Variants in OSBPL1A observed in about 807,000 individuals in gnomAD.
OSBPL1A encodes the protein oxysterol binding protein like 1A.
Under a neutral mutation model 137.1 loss-of-function variants are expected in OSBPL1A, and 80 were observed. The observed-to-expected ratio is 0.58, with a 90% CI of 0.49 to 0.70. The LOEUF (loss-of-function observed/expected upper bound fraction) is 0.70. OSBPL1A is among the 30% of genes least tolerant of loss of function. The probability of loss-of-function intolerance (pLI) is 0.00; values close to 1 mark genes in which losing one functional copy is unlikely to be tolerated. For missense variants in OSBPL1A, 970 were observed against 1,129.4 expected (o/e 0.86, Z 2.02); for synonymous variants, 365 against 389.7 (o/e 0.94, Z 0.75).
chr18:24,328,692 C>A (rs978000449), intron 7 of OSBPL1A, among the ~76,000 whole-genome samples: 5 of 152,098 alleles, frequency 3.3e-5, no homozygotes, highest in Admixed American at 3.3e-4. Flanking sequence ...ATGTGTAGAG[C>A]TGCACTGTCC....
chr18:24,284,076 A>G (rs1210364442), intron 14 of OSBPL1A, among the ~76,000 whole-genome samples: 1 of 152,220 alleles, frequency 6.6e-6, no homozygotes, highest in Admixed American at 6.5e-5. Flanking sequence ...CTAATGTTAA[A>G]ACAAGATTTT....
At chr18:24,179,435 T>TAA (rs77220931) in intron 20 of OSBPL1A, 1,553 of 273,342 alleles carry the variant, frequency 5.7e-3, no homozygotes, top group East Asian at 0.014. Context: ...AAACTTAAAG[T>TAA]AAAAAAAAAA....
At chr18:24,242,353 GAAAGA>G (rs1231046574) in intron 15 of OSBPL1A, among the ~76,000 whole-genome samples, 2 of 150,204 alleles carry the variant, frequency 1.3e-5, no homozygotes, top group Middle Eastern at 3.4e-3. Flanking sequence ...AAAAAAGAAA[GAAAGA>G]AAAGAAAAGC....
At chr18:24,166,469 G>C (rs1054898043) in intron 26 of OSBPL1A, 110 bp downstream of exon 26, 1 of 1,343,148 alleles carries the variant, frequency 7.4e-7, no homozygotes, top group South Asian at 1.6e-5. Context: ...ATCTCTAAGA[G>C]AGACTAAAAA....
In OSBPL1A at chr18:24,163,130, G is replaced by T; in HGVS notation, c.*49C>A. Reference sequence around the variant, plus strand: ...AAGGGAAAAAAATTTAAAAACATAGGTTTAAGACTTATTTGTAGATTAGCC... The same window carrying T: ...AAGGGAAAAAAATTTAAAAACATAGTTTTAAGACTTATTTGTAGATTAGCC... On this transcript the variant is annotated 3_prime_UTR_variant, in exon 28 of 28. Coordinates refer to ENST00000319481, the MANE Select transcript of OSBPL1A (RefSeq NM_080597.4). 1.4e-6 allele frequency: 2 copies of T among 1,407,010 alleles called. No homozygotes were observed. The highest frequency in any genetic ancestry group is 2.0e-6 in the Non-Finnish European group (2 of 1,008,954). The allele number at this position is 1,407,010 out of a possible 1,614,324, so 87.2% of individuals were successfully genotyped here.
chr18:24,164,650 G>C (rs1180438098), intron 27 of OSBPL1A, among the ~76,000 whole-genome samples: 6 of 151,744 alleles, frequency 4.0e-5, no homozygotes, highest in Middle Eastern at 3.2e-3. Context: ...GGATGGTCTG[G>C]ATCTCCTGAC....
At chr18:24,214,050 A>G (rs1363619982) in intron 17 of OSBPL1A, among the ~76,000 whole-genome samples, 2 of 152,232 alleles carry the variant, frequency 1.3e-5, no homozygotes, top group South Asian at 4.1e-4. Flanking sequence ...CCTGCTTCAC[A>G]GAGTTCAGCA....
chr18:24,255,814 T>C (rs1229048232), intron 15 of OSBPL1A, among the ~76,000 whole-genome samples: 1 of 150,208 alleles, frequency 6.7e-6, no homozygotes, highest in Non-Finnish European at 1.5e-5. Context: ...TGGAGTGCAG[T>C]GGTGCGCTCT....
At chr18:24,382,819 T>C (rs1422790129) in intron 1 of OSBPL1A, among the ~76,000 whole-genome samples, 3 of 152,018 alleles carry the variant, frequency 2.0e-5, no homozygotes, top group Non-Finnish European at 2.9e-5. Context: ...GAGACTGCAG[T>C]GAGCTGAGAT....
At chr18:24,224,604 T>C (rs1254046498) in intron 17 of OSBPL1A, among the ~76,000 whole-genome samples, 1 of 152,212 alleles carries the variant, frequency 6.6e-6, no homozygotes, top group African/African-American at 2.4e-5. Flanking sequence ...AAGTCTTTGT[T>C]TAAATTTAAC....
chr18:24,163,460 T>C (rs1046217943), intron 27 of OSBPL1A, among the ~76,000 whole-genome samples, 179 bp from the exon 28 acceptor site: 6 of 152,166 alleles, frequency 3.9e-5, no homozygotes, highest in African/African-American at 1.4e-4. Flanking sequence ...GTCTGTGGAA[T>C]AATATTCCAA....
At chr18:24,383,068 A>G (rs974436707) in intron 1 of OSBPL1A, among the ~76,000 whole-genome samples, 5 of 152,216 alleles carry the variant, frequency 3.3e-5, no homozygotes, top group Non-Finnish European at 2.9e-5. Context: ...TGAAATTATG[A>G]ATGGTTTTAA....
At chr18:24,282,933 A>C (rs2089988706) in intron 14 of OSBPL1A, among the ~76,000 whole-genome samples, 1 of 152,006 alleles carries the variant, frequency 6.6e-6, no homozygotes, top group Non-Finnish European at 1.5e-5. Flanking sequence ...AAAAAGCAAG[A>C]CTTCATCTCT....
intron 18 of OSBPL1A, among the ~76,000 whole-genome samples, chr18:24,185,287 C>T (rs1297082746): frequency 6.6e-6 from 1 of 151,608 alleles, no homozygotes; most frequent in Non-Finnish European, 1.5e-5. Flanking sequence ...AAACTATGAA[C>T]TTGGGGTGAT....
chr18:24,185,868 C>T (rs144974530), intron 18 of OSBPL1A, among the ~76,000 whole-genome samples: 3 of 152,230 alleles, frequency 2.0e-5, no homozygotes, highest in Non-Finnish European at 2.9e-5. Flanking sequence ...CCCAGGAATT[C>T]GAGACCCGCC....
chr18:24,241,820 T>A (rs1205948383), intron 15 of OSBPL1A, among the ~76,000 whole-genome samples: 1 of 152,194 alleles, frequency 6.6e-6, no homozygotes, highest in East Asian at 1.9e-4. Flanking sequence ...TAAAGACACA[T>A]GCACACATAT....
intron 17 of OSBPL1A, among the ~76,000 whole-genome samples, chr18:24,218,694 C>T (rs2087787317): frequency 6.6e-6 from 1 of 152,112 alleles, no homozygotes; most frequent in South Asian, 2.1e-4. Flanking sequence ...GATCCACCCA[C>T]CTCGGTCTCC....
chr18:24,183,063 G>T (rs964095087), intron 18 of OSBPL1A, among the ~76,000 whole-genome samples: 1 of 151,844 alleles, frequency 6.6e-6, no homozygotes, highest in Non-Finnish European at 1.5e-5. Flanking sequence ...TAGAGACAGG[G>T]TTTCACCATG....
At chr18:24,280,312 C>T (rs1221638293) in intron 15 of OSBPL1A, among the ~76,000 whole-genome samples, 1 of 152,066 alleles carries the variant, frequency 6.6e-6, no homozygotes. Context: ...GAACTCCTGA[C>T]TTCAGGTGAT....
Sources: gnomAD v4.1 joint callset for allele counts (sites outside exome capture counted in the v4.1 genomes callset) on GRCh38, gnomAD v4.1.1 for gene constraint, MANE v1.5 for transcripts, NCBI Gene and HGNC (gene_info 2026-07-23, HGNC 2026-07-21) for gene names.